Variants in NXPH1 observed in about 807,000 individuals in gnomAD.
The protein encoded by NXPH1 is neurexophilin 1.
NXPH1 carries 5 observed loss-of-function variants against 23.7 expected under a neutral mutation model. The ratio of observed to expected loss-of-function variants is 0.21; its 90% confidence interval spans 0.11 to 0.44. NXPH1 has a LOEUF of 0.44. Ranked by LOEUF, NXPH1 falls within the 20% of genes least tolerant of loss-of-function variation. NXPH1 has a pLI of 0.99. For synonymous variants in NXPH1, 144 were observed against 122.2 expected (o/e 1.18, Z -1.18); for missense variants, 324 against 321.6 (o/e 1.01, Z -0.06).
intron 2 of NXPH1, among the ~76,000 whole-genome samples, chr7:8,689,185 G>C (rs1821190950): frequency 6.6e-6 from 1 of 152,102 alleles, no homozygotes; most frequent in Admixed American, 6.6e-5. Context: ...TCAGAGTCAA[G>C]GGCACTCAGC....
intron 2 of NXPH1, among the ~76,000 whole-genome samples, chr7:8,516,250 G>A (rs1407291447): frequency 1.3e-5 from 2 of 151,766 alleles, no homozygotes. Context: ...CTTTCCTCCC[G>A]CCTCCGCAAT....
At chr7:8,721,934 C>A (rs578194184) in intron 2 of NXPH1, among the ~76,000 whole-genome samples, 5 of 152,222 alleles carry the variant, frequency 3.3e-5, no homozygotes, top group South Asian at 4.2e-4. Context: ...TTCACCACCC[C>A]CATGGCAAAT....
At chr7:8,484,698 A>G (rs561484502) in intron 2 of NXPH1, among the ~76,000 whole-genome samples, 27 of 152,322 alleles carry the variant, frequency 1.8e-4, no homozygotes, top group Admixed American at 3.3e-4. Context: ...TTTGAGAAGT[A>G]GTAATAGGAA....
At chr7:8,533,195 C>G (rs1159059571) in intron 2 of NXPH1, among the ~76,000 whole-genome samples, 1 of 152,136 alleles carries the variant, frequency 6.6e-6, no homozygotes, top group Non-Finnish European at 1.5e-5. Flanking sequence ...ATTTTACCCA[C>G]TATCATTATG....
At chr7:8,602,577 TA>T (rs1406014046) in intron 2 of NXPH1, among the ~76,000 whole-genome samples, 1 of 152,234 alleles carries the variant, frequency 6.6e-6, no homozygotes, top group African/African-American at 2.4e-5. Context: ...TTTACTCTGC[TA>T]TTCAGCTCAT....
intron 2 of NXPH1, among the ~76,000 whole-genome samples, chr7:8,661,503 T>G (rs1214435733): frequency 6.6e-6 from 1 of 152,148 alleles, no homozygotes; most frequent in Non-Finnish European, 1.5e-5. Flanking sequence ...TCATGTTTTT[T>G]GTTTTCTGTC....
intron 2 of NXPH1, among the ~76,000 whole-genome samples, chr7:8,491,637 A>C (rs969841870): frequency 6.6e-6 from 1 of 152,044 alleles, no homozygotes; most frequent in African/African-American, 2.4e-5. Flanking sequence ...AAAGCTAGAA[A>C]GGGCTATCGT....
intron 2 of NXPH1, among the ~76,000 whole-genome samples, chr7:8,486,838 A>G (rs1817167171): frequency 1.3e-5 from 2 of 151,984 alleles, no homozygotes; most frequent in East Asian, 1.9e-4. Flanking sequence ...CTACCTTTTA[A>G]TCAGTTCTCA....
At chr7:8,506,431 G>A (rs934584554) in intron 2 of NXPH1, among the ~76,000 whole-genome samples, 1 of 152,092 alleles carries the variant, frequency 6.6e-6, no homozygotes, top group African/African-American at 2.4e-5. Context: ...TGAAGATTAA[G>A]TGAGAAAAGA....
rs189658698 is a variant in NXPH1 at position 8,616,144 on chromosome 7, C to T, written c.55-134864C>T. On this transcript the variant is annotated intron_variant, in intron 2 of 2. Coordinates refer to ENST00000405863, the MANE Select transcript of NXPH1 (RefSeq NM_152745.3). Reference sequence around the variant, plus strand: ...AGACCCCTATGTGATTGGTCTCCTGCTACCTTTCTGACCTCATGATCTTTC... The same window carrying T: ...AGACCCCTATGTGATTGGTCTCCTGTTACCTTTCTGACCTCATGATCTTTC... Among the ~76,000 whole-genome samples the T allele has an allele frequency of 8.9e-4, 135 of 152,122 alleles. 1 individual carries two copies. The highest frequency in any genetic ancestry group is 3.1e-3 in the African/African-American group (129 of 41,534).
chr7:8,611,503 T>C (rs1311182049), intron 2 of NXPH1, among the ~76,000 whole-genome samples: 4 of 152,164 alleles, frequency 2.6e-5, no homozygotes, highest in Admixed American at 2.0e-4. Flanking sequence ...TGTTGATCAC[T>C]ATCAGTAGCA....
chr7:8,484,302 A>T (rs1204793388), intron 2 of NXPH1, among the ~76,000 whole-genome samples: 1 of 151,970 alleles, frequency 6.6e-6, no homozygotes. Flanking sequence ...AAGGGCTGGC[A>T]CCATAACATA....
intron 2 of NXPH1, among the ~76,000 whole-genome samples, chr7:8,614,865 G>A (rs567331514): frequency 1.3e-5 from 2 of 152,062 alleles, no homozygotes; most frequent in African/African-American, 2.4e-5. Context: ...TGAACATCCT[G>A]AAATAAGAAT....
At chr7:8,695,220 A>AAGTTTT (rs1229463497) in intron 2 of NXPH1, among the ~76,000 whole-genome samples, 1 of 152,190 alleles carries the variant, frequency 6.6e-6, no homozygotes, top group Non-Finnish European at 1.5e-5. Flanking sequence ...GTCTTGGCGG[A>AAGTTTT]TGCTAGGTCT....
At chr7:8,515,535 A>G (rs1160083625) in intron 2 of NXPH1, among the ~76,000 whole-genome samples, 1 of 152,180 alleles carries the variant, frequency 6.6e-6, no homozygotes, top group African/African-American at 2.4e-5. Flanking sequence ...ATGAATCAGT[A>G]TAATTTTAGC....
chr7:8,526,298 T>C (rs1817860523), intron 2 of NXPH1, among the ~76,000 whole-genome samples: 1 of 152,252 alleles, frequency 6.6e-6, no homozygotes, highest in Admixed American at 6.5e-5. Flanking sequence ...ATTTAACTAA[T>C]GCTTGTACTT....
intron 2 of NXPH1, among the ~76,000 whole-genome samples, chr7:8,636,260 T>G (rs1248946835): frequency 1.3e-5 from 2 of 152,220 alleles, no homozygotes; most frequent in African/African-American, 2.4e-5. Context: ...TGTTTGTCTC[T>G]GTGTTCTTTT....
chr7:8,505,381 C>T (rs1374019738), intron 2 of NXPH1, among the ~76,000 whole-genome samples: 1 of 151,952 alleles, frequency 6.6e-6, no homozygotes, highest in East Asian at 1.9e-4. Context: ...TTATATTGCT[C>T]TATAATTTGC....
intron 2 of NXPH1, among the ~76,000 whole-genome samples, chr7:8,662,015 C>T (rs1218883577): frequency 6.6e-6 from 1 of 151,746 alleles, no homozygotes; most frequent in Non-Finnish European, 1.5e-5. Flanking sequence ...GTAAATTAAA[C>T]AAAATATATC....
Sources: allele counts gnomAD v4.1 joint callset (sites outside exome capture counted in the v4.1 genomes callset), GRCh38; gene constraint gnomAD v4.1.1; transcripts MANE v1.5; gene names NCBI Gene and HGNC (gene_info 2026-07-23, HGNC 2026-07-21).